GLRA3: variants seen among roughly 807,000 people sequenced by gnomAD.
GLRA3 encodes glycine receptor alpha 3.
A neutral mutation model predicts 60.4 loss-of-function variants in GLRA3; 44 were observed. The observed-to-expected ratio is 0.73, with a 90% CI of 0.57 to 0.94. The LOEUF is 0.94. Ranked by LOEUF, GLRA3 falls within the 40% of genes least tolerant of loss-of-function variation. The pLI, the probability that GLRA3 is intolerant of heterozygous loss-of-function variation, is 0.00. For synonymous variants in GLRA3, 223 were observed against 192.9 expected (o/e 1.16, Z -1.29); for missense variants, 508 against 564.6 (o/e 0.90, Z 1.02).
chr4:174,701,502 G>T (rs1447270728), intron 5 of GLRA3, among the ~76,000 whole-genome samples: 1 of 152,162 alleles, frequency 6.6e-6, no homozygotes, highest in Non-Finnish European at 1.5e-5. Context: ...GTGGCCCCTA[G>T]ATCAAGGAGT....
intron 3 of GLRA3, 138 bp from the exon 4 acceptor site, chr4:174,728,836 A>G (rs1379352750): frequency 3.4e-6 from 2 of 581,966 alleles, no homozygotes; most frequent in Admixed American, 6.3e-5. Flanking sequence ...TGTATAGTTA[A>G]TGGAGGAGGC....
intron 2 of GLRA3, among the ~76,000 whole-genome samples, chr4:174,781,888 A>G (rs1738889408): frequency 2.6e-5 from 4 of 152,248 alleles, no homozygotes; most frequent in Admixed American, 2.0e-4. Context: ...TACCAGAGGT[A>G]TAAGGAGGAG....
intron 3 of GLRA3, among the ~76,000 whole-genome samples, chr4:174,755,182 C>T (rs913691472): frequency 6.6e-6 from 1 of 152,024 alleles, no homozygotes; most frequent in Admixed American, 6.6e-5. Context: ...ATGAAGTTCT[C>T]TTTTTGGAAA....
Position 174,828,718 on chromosome 4 carries a change from C to A in GLRA3, c.71+23G>T, listed in dbSNP as rs760450012. The A allele has an allele frequency of 3.3e-6, 5 of 1,502,878 alleles. No individual in the cohort carries two copies. The South Asian group carries it at 5.6e-5, about 17-fold the overall frequency. The allele number at this position is 1,502,878 out of a possible 1,614,324, so 93.1% of individuals were successfully genotyped here. A position where few individuals can be genotyped will look rare whatever the true frequency, so the allele number is the denominator to read the frequency against. ...TGCACAGGCTTAATGAGTTCTCCGA[C>A]TGTTAAATCCAAGCGAACTCACCTG... On this transcript the variant is annotated intron_variant, in intron 1 of 9. Transcript: ENST00000274093.
At chr4:174,797,472 C>T (rs899670805) in intron 1 of GLRA3, among the ~76,000 whole-genome samples, 16 of 152,150 alleles carry the variant, frequency 1.1e-4, no homozygotes, top group Non-Finnish European at 1.9e-4. Flanking sequence ...GGCTCATACA[C>T]ATTCCCATCA....
At chr4:174,737,791 C>A (rs1342645103) in intron 3 of GLRA3, among the ~76,000 whole-genome samples, 1 of 152,152 alleles carries the variant, frequency 6.6e-6, no homozygotes, top group Non-Finnish European at 1.5e-5. Context: ...GGATTACAGG[C>A]GTGAGCCACG....
At chr4:174,816,657 G>A (rs1361073179) in intron 1 of GLRA3, among the ~76,000 whole-genome samples, 1 of 144,312 alleles carries the variant, frequency 6.9e-6, no homozygotes, top group East Asian at 2.1e-4. Flanking sequence ...ATTTCTAATT[G>A]TGTTTCCTTC....
At chr4:174,763,797 T>C (rs1469470662) in intron 3 of GLRA3, among the ~76,000 whole-genome samples, 5 of 152,188 alleles carry the variant, frequency 3.3e-5, no homozygotes, top group Non-Finnish European at 7.3e-5. Context: ...GTAATGATGG[T>C]AAACTAGTTT....
At chr4:174,692,273 G>C (rs1232218592) in intron 5 of GLRA3, among the ~76,000 whole-genome samples, 2 of 142,438 alleles carry the variant, frequency 1.4e-5, no homozygotes, top group East Asian at 4.0e-4. Flanking sequence ...AGGTGGGGGG[G>C]TCAGCACCCC....
In GLRA3 at chr4:174,643,518, G is replaced by T; in HGVS notation, c.*268C>A. On this transcript the variant is annotated 3_prime_UTR_variant, in exon 10 of 10. Coordinates refer to ENST00000274093, the MANE Select transcript of GLRA3 (RefSeq NM_006529.4). ...AACATATAAACACATTGGCAGTAAA[G>T]CTTCCACTTACATGGTTTACTGTGA... The T allele has an allele frequency of 9.1e-7, 1 of 1,104,540 alleles. No homozygotes were observed. The highest frequency in any genetic ancestry group is 1.1e-6 in the Non-Finnish European group (1 of 901,748). 68.4% of individuals were successfully genotyped at this position (1,104,540 alleles called of 1,614,324 possible).
At chr4:174,678,058 C>T (rs899839612) in intron 6 of GLRA3, among the ~76,000 whole-genome samples, 1 of 151,996 alleles carries the variant, frequency 6.6e-6, no homozygotes, top group Non-Finnish European at 1.5e-5. Context: ...CAATTGAACA[C>T]GAATTATTCC....
intron 8 of GLRA3, among the ~76,000 whole-genome samples, chr4:174,658,636 A>G (rs1248816447): frequency 6.6e-6 from 1 of 152,216 alleles, no homozygotes; most frequent in Non-Finnish European, 1.5e-5. Context: ...GTATTAGTAA[A>G]TAAGTAATAT....
intron 3 of GLRA3, among the ~76,000 whole-genome samples, chr4:174,758,366 C>G (rs1737804042): frequency 6.6e-6 from 1 of 152,120 alleles, no homozygotes; most frequent in South Asian, 2.1e-4. Flanking sequence ...GAGAGTGGTA[C>G]TTTACTTCTG....
chr4:174,732,785 A>ATG (rs1223232460), intron 3 of GLRA3, among the ~76,000 whole-genome samples: 1 of 151,798 alleles, frequency 6.6e-6, no homozygotes, highest in Non-Finnish European at 1.5e-5. Flanking sequence ...CTCTATATAT[A>ATG]TATATATTTA....
At chr4:174,822,722 T>C (rs1740788711) in intron 1 of GLRA3, among the ~76,000 whole-genome samples, 1 of 152,192 alleles carries the variant, frequency 6.6e-6, no homozygotes, top group Admixed American at 6.5e-5. Flanking sequence ...TTATGGCAAA[T>C]GTTTGTATGT....
chr4:174,777,343 A>ATAT (rs1340151866), intron 2 of GLRA3, among the ~76,000 whole-genome samples: 1 of 152,230 alleles, frequency 6.6e-6, no homozygotes, highest in Admixed American at 6.5e-5. Context: ...TTATCCTGGA[A>ATAT]TATTATTCAA....
At position 174,640,277 on chromosome 4, in the gene GLRA3, A is replaced by G. The variant is rs1732595804; in HGVS notation, c.*3509T>C. 1 of 152,092 alleles carries G rather than the reference A, an allele frequency of 6.6e-6. No homozygotes were observed. The highest frequency in any genetic ancestry group is 2.4e-5 in the African/African-American group (1 of 41,456). 9.4% of individuals were successfully genotyped at this position (152,092 alleles called of 1,614,324 possible). On this transcript the variant is annotated 3_prime_UTR_variant, in exon 10 of 10. Transcript: ENST00000274093. The stretch of plus-strand genomic sequence containing the variant: ...CTAAATTTTTAGGGGACACCTGTGA[A>G]AAACAATGCTGTCAGTTTCCTTCTT...
At chr4:174,779,288 A>G (rs1267929757) in intron 2 of GLRA3, among the ~76,000 whole-genome samples, 3 of 152,150 alleles carry the variant, frequency 2.0e-5, no homozygotes, top group East Asian at 3.9e-4. Context: ...AAACAGAAAG[A>G]ACATCCACAC....
At chr4:174,676,800 A>G (rs749735031) in intron 7 of GLRA3, among the ~76,000 whole-genome samples, 1 of 152,188 alleles carries the variant, frequency 6.6e-6, no homozygotes, top group Non-Finnish European at 1.5e-5. Flanking sequence ...TTTAAAACCT[A>G]TTGATACAAA....
Sources: gnomAD v4.1 joint callset for allele counts (sites outside exome capture counted in the v4.1 genomes callset) on GRCh38, gnomAD v4.1.1 for gene constraint, MANE v1.5 for transcripts, NCBI Gene and HGNC (gene_info 2026-07-23, HGNC 2026-07-21) for gene names.